Variants in KDM2A observed in about 807,000 individuals in gnomAD.
KDM2A encodes lysine demethylase 2A.
Under a neutral mutation model 137.3 loss-of-function variants are expected in KDM2A, and 3 were observed. The ratio of observed to expected loss-of-function variants is 0.02; its 90% confidence interval spans 0.01 to 0.06. The LOEUF (loss-of-function observed/expected upper bound fraction) is 0.06. Ranked by LOEUF, KDM2A falls within the 10% of genes least tolerant of loss-of-function variation. KDM2A has a pLI of 1.00. For missense variants in KDM2A, 738 were observed against 1,510.6 expected (o/e 0.49, Z 8.48); for synonymous variants, 512 against 541.5 (o/e 0.95, Z 0.76).
In KDM2A at chr11:67,254,106, G is replaced by A; in HGVS notation, c.3092-97G>A. Reference sequence around the variant, plus strand: ...GGGCAGTTCTACTTAACCCCTTCAAGGGGGCCTGGCCAGCAAGTAGCTGTT... The same window carrying A: ...GGGCAGTTCTACTTAACCCCTTCAAAGGGGCCTGGCCAGCAAGTAGCTGTT... On this transcript the variant is annotated intron_variant, in intron 19 of 20. Transcript: ENST00000529006. The surrounding 1 kb of genome is among the most constrained non-coding windows in gnomAD (Gnocchi z 4.7). 2.7e-6 allele frequency: 3 copies of A among 1,114,988 alleles called. No individual in the cohort carries two copies. Among genetic ancestry groups the A allele is most frequent in the Non-Finnish European group, 3.8e-6 (3 of 779,856 alleles). 69.1% of individuals were successfully genotyped at this position (1,114,988 alleles called of 1,614,324 possible).
chr11:67,225,296 GA>G (rs1472517732), intron 10 of KDM2A, among the ~76,000 whole-genome samples: 1 of 152,178 alleles, frequency 6.6e-6, no homozygotes, highest in Non-Finnish European at 1.5e-5. Context: ...CTTGATTGCT[GA>G]AAATGTCAAA....
At chr11:67,215,558 T>G (rs1452808932) in intron 7 of KDM2A, 112 bp downstream of exon 7, 2 of 719,598 alleles carry the variant, frequency 2.8e-6, no homozygotes, top group Non-Finnish European at 4.8e-6. Context: ...ATTAAAAAGA[T>G]GAATTATTTA....
intron 2 of KDM2A, among the ~76,000 whole-genome samples, chr11:67,136,019 T>A (rs1388356214): frequency 6.6e-6 from 1 of 152,178 alleles, no homozygotes; most frequent in African/African-American, 2.4e-5. Context: ...TGTGTTTGTT[T>A]AATATCTGAT....
intron 18 of KDM2A, 37 bp from the exon 19 acceptor site, chr11:67,253,416 C>CA: frequency 6.3e-7 from 1 of 1,583,636 alleles, no homozygotes; most frequent in African/African-American, 1.3e-5. Context: ...TGCTGGGAAA[C>CA]AGTGTATTAT....
At chr11:67,247,072 T>TA (rs1491570916) in intron 15 of KDM2A, among the ~76,000 whole-genome samples, 410 of 18,296 alleles carry the variant, frequency 0.022, 1 homozygote, top group South Asian at 0.043. Flanking sequence ...TATATATATA[T>TA]TTTTTTTTTT....
intron 12 of KDM2A, chr11:67,240,372 CAG>C (rs1858994312): frequency 2.0e-6 from 3 of 1,534,056 alleles, no homozygotes; most frequent in African/African-American, 1.4e-5. Flanking sequence ...AACGAAAGGT[CAG>C]GGGGTCGATC....
At chr11:67,247,038 TA>T (rs1565423944) in intron 15 of KDM2A, among the ~76,000 whole-genome samples, 494 of 17,006 alleles carry the variant, frequency 0.029, 11 homozygotes, top group African/African-American at 0.074. Context: ...TAAATTATTT[TA>T]TATATATATA....
At chr11:67,224,721 C>T (rs1858480385) in intron 10 of KDM2A, among the ~76,000 whole-genome samples, 1 of 151,860 alleles carries the variant, frequency 6.6e-6, no homozygotes, top group South Asian at 2.1e-4. Flanking sequence ...CCACCTCAGC[C>T]TCCCAAAGTG....
intron 5 of KDM2A, among the ~76,000 whole-genome samples, chr11:67,191,647 A>G (rs1223470369): frequency 6.6e-6 from 1 of 152,234 alleles, no homozygotes; most frequent in Non-Finnish European, 1.5e-5. Flanking sequence ...ACACCTTTTC[A>G]TGATAAAAAC....
In KDM2A at chr11:67,254,938, C is replaced by T. The variant is rs748708334; in HGVS notation, c.3372C>T (p.Ile1124=). 8.1e-6 allele frequency: 13 copies of T among 1,613,864 alleles called. No homozygotes were observed. The highest frequency in any genetic ancestry group is 2.2e-5 in the East Asian group (1 of 44,898). Residue 1124 remains isoleucine (I), a synonymous_variant, in exon 21 of 21, where the codon ATC becomes ATT. Coordinates refer to ENST00000529006, the MANE Select transcript of KDM2A (RefSeq NM_012308.3). The surrounding 1 kb of genome is among the most constrained non-coding windows in gnomAD (Gnocchi z 4.7). The part of the protein sequence containing the change: ...YLRRIANVTL[I]DLRGCKQITR... ...GGCGCATTGCCAACGTCACCTTGAT[C>T]GACCTTCGAGGATGCAAGCAGATCA...
chr11:67,240,213 C>T lies in KDM2A; in HGVS notation c.1480-2796C>T, dbSNP rs1858987357. The T allele has an allele frequency of 3.3e-6, 5 of 1,534,994 alleles. No homozygotes were observed. The African/African-American group carries it at 4.1e-5, about 13-fold the overall frequency. ...GAGCTGGACTGCCCTGCCCTATGTGCTCTGGGAGATTCCAGAATATTCAAG... is the reference window on the plus strand; with the variant it reads ...GAGCTGGACTGCCCTGCCCTATGTGTTCTGGGAGATTCCAGAATATTCAAG... On this transcript the variant is annotated intron_variant, in intron 12 of 20. Transcript: ENST00000529006.
Position 67,205,325 on chromosome 11 carries a change from T to A in KDM2A, c.308-2185T>A, listed in dbSNP as rs149915848. Among the ~76,000 whole-genome samples the A allele has an allele frequency of 7.9e-5, 12 of 152,280 alleles. No individual in the cohort carries two copies. In the East Asian group the frequency reaches 1.9e-3, roughly 24 times the overall value. ...TATGTTTTACTAGTAATATATATAT[T>A]CTGCCTTGTCTATTTCACAGTGGCC... On this transcript the variant is annotated intron_variant, in intron 5 of 20. Transcript: ENST00000529006.
chr11:67,147,944 G>A (rs534929814), intron 2 of KDM2A, among the ~76,000 whole-genome samples: 4 of 151,924 alleles, frequency 2.6e-5, no homozygotes, highest in East Asian at 3.9e-4. Context: ...CCCAAAGTGC[G>A]GGGATTATAG....
At chr11:67,180,558 C>G (rs1337950340) in intron 3 of KDM2A, 1 of 186,590 alleles carries the variant, frequency 5.4e-6, no homozygotes, top group Non-Finnish European at 1.1e-5. Context: ...CCCACCAAAA[C>G]TGAGGGTGGG....
chr11:67,199,964 A>G (rs1857576950), intron 5 of KDM2A, among the ~76,000 whole-genome samples: 1 of 152,204 alleles, frequency 6.6e-6, no homozygotes, highest in South Asian at 2.1e-4. Context: ...AACATTCCAA[A>G]AAAAGCTTAT....
At chr11:67,160,483 ATCT>A (rs1407985425) in intron 2 of KDM2A, among the ~76,000 whole-genome samples, 1 of 152,056 alleles carries the variant, frequency 6.6e-6, no homozygotes, top group Non-Finnish European at 1.5e-5. Context: ...TAAGAAATAG[ATCT>A]TCTGGGCCGG....
chr11:67,226,634 A>G (rs1858553645), intron 10 of KDM2A, among the ~76,000 whole-genome samples: 4 of 152,202 alleles, frequency 2.6e-5, no homozygotes, highest in Admixed American at 2.6e-4. Flanking sequence ...AGGCAGGAGA[A>G]TGGTGTGAAC....
intron 11 of KDM2A, among the ~76,000 whole-genome samples, chr11:67,228,949 T>G (rs1858629626): frequency 6.6e-6 from 1 of 152,058 alleles, no homozygotes; most frequent in African/African-American, 2.4e-5. Flanking sequence ...GGTCTTAAAC[T>G]CCTGGCTTCA....
intron 3 of KDM2A, 97 bp downstream of exon 3, chr11:67,180,314 C>T (rs1278041976): frequency 4.8e-6 from 6 of 1,248,976 alleles, no homozygotes; most frequent in Non-Finnish European, 6.6e-6. Context: ...TAAAATATTG[C>T]CTGTTGATGT....
Sources: allele counts gnomAD v4.1 joint callset (sites outside exome capture counted in the v4.1 genomes callset), GRCh38; gene constraint gnomAD v4.1.1; non-coding constraint Gnocchi (gnomAD v3.1); transcripts MANE v1.5; gene names NCBI Gene and HGNC (gene_info 2026-07-23, HGNC 2026-07-21).